Variants in ARHGAP20 observed in about 807,000 individuals in gnomAD.
ARHGAP20 encodes the protein rho GTPase-activating protein 20.
In ARHGAP20, 34 loss-of-function variants were observed where a neutral mutation model predicts 73.7. That is an observed-to-expected ratio of 0.46 (90% CI 0.35 to 0.61). The LOEUF is 0.61. Ranked by LOEUF, ARHGAP20 falls within the 20% of genes least tolerant of loss-of-function variation. ARHGAP20 has a pLI of 0.00. For synonymous variants in ARHGAP20, 523 were observed against 518.2 expected, an observed-to-expected ratio of 1.01 and a Z score of -0.13; for missense variants, 1,314 against 1,420.9, an observed-to-expected ratio of 0.92 and a Z score of 1.21.
chr11:110,701,505 G>T (rs1000873180), intron 1 of ARHGAP20, among the ~76,000 whole-genome samples: 1 of 150,710 alleles, frequency 6.6e-6, no homozygotes, highest in African/African-American at 2.4e-5. Flanking sequence ...TGAGTAGGTT[G>T]CGAAAATTTT....
intron 2 of ARHGAP20, among the ~76,000 whole-genome samples, chr11:110,642,243 T>C (rs1294721436): frequency 6.6e-6 from 1 of 152,090 alleles, no homozygotes; most frequent in Non-Finnish European, 1.5e-5. Flanking sequence ...TGAAGAGAGA[T>C]AGTTTGACGT....
At chr11:110,684,780 T>C (rs922861156) in intron 2 of ARHGAP20, among the ~76,000 whole-genome samples, 1 of 152,116 alleles carries the variant, frequency 6.6e-6, no homozygotes, top group African/African-American at 2.4e-5. Context: ...TAGCAACATG[T>C]ATGCAGCTGG....
intron 1 of ARHGAP20, among the ~76,000 whole-genome samples, chr11:110,699,553 T>C (rs953112607): frequency 1.3e-5 from 2 of 151,932 alleles, no homozygotes; most frequent in Non-Finnish European, 2.9e-5. Context: ...TTAGGTGTAG[T>C]AGTATTTGTT....
At chr11:110,648,268 A>C (rs12282034) in intron 2 of ARHGAP20, among the ~76,000 whole-genome samples, 34,198 of 137,668 alleles carry the variant, frequency 0.25, 4,425 homozygotes, top group South Asian at 0.34. Flanking sequence ...TATATATGTA[A>C]ATATATATAT....
At chr11:110,673,431 A>T (rs1009546056) in intron 2 of ARHGAP20, among the ~76,000 whole-genome samples, 2 of 152,196 alleles carry the variant, frequency 1.3e-5, no homozygotes, top group African/African-American at 4.8e-5. Context: ...TTAAAATCAG[A>T]TACGATACAA....
At chr11:110,657,626 G>A (rs1053768280) in intron 2 of ARHGAP20, among the ~76,000 whole-genome samples, 1 of 152,154 alleles carries the variant, frequency 6.6e-6, no homozygotes, top group East Asian at 1.9e-4. Context: ...GTGCACAGTG[G>A]CTTATGCCTG....
intron 1 of ARHGAP20, among the ~76,000 whole-genome samples, chr11:110,693,395 A>T (rs1830152955): frequency 1.3e-5 from 2 of 151,996 alleles, no homozygotes; most frequent in Admixed American, 6.6e-5. Flanking sequence ...AGTTTGGACT[A>T]CATAGTCACT....
Position 110,580,005 on chromosome 11 carries a change from C to A in ARHGAP20, c.2941G>T (p.Ala981Ser). ...GAAAGGTCTTCCCGTTTTCTCTGAGCCTGAAAAGTGCAATCTATTGGAGAG... is the reference window on the plus strand; with the variant it reads ...GAAAGGTCTTCCCGTTTTCTCTGAGACTGAAAAGTGCAATCTATTGGAGAG... ...TSSPIDCTFQ[A>S]QRKREDLSPD... The change falls in exon 15 of 15, where the codon GCT becomes TCT. Residue 981 changes from alanine (A) to serine (S), a missense_variant. Physicochemically the swap from Ala to Ser is moderately conservative, Grantham distance 99 (BLOSUM62 1). This residue lies in a region of ARHGAP20 where 641 missense variants were observed against 636.9 expected (regional missense o/e 1.01). Transcript: ENST00000683387. 1 of 1,614,142 alleles carries A rather than the reference C, an allele frequency of 6.2e-7. No individual in the cohort carries two copies. The highest frequency in any genetic ancestry group is 8.5e-7 in the Non-Finnish European group (1 of 1,180,028).
intron 9 of ARHGAP20, among the ~76,000 whole-genome samples, chr11:110,595,236 G>T (rs528386780): frequency 6.6e-6 from 1 of 152,260 alleles, no homozygotes; most frequent in East Asian, 1.9e-4. Context: ...ACTGGCACAA[G>T]ACAGGGATGC....
At chr11:110,591,334 C>G (rs1193095429) in intron 10 of ARHGAP20, among the ~76,000 whole-genome samples, 1 of 152,168 alleles carries the variant, frequency 6.6e-6, no homozygotes. Context: ...GACATGATAA[C>G]AACTATCCCC....
In ARHGAP20 at chr11:110,618,291, C is replaced by G. The variant is rs140218865; in HGVS notation, c.504-2697G>C. The stretch of plus-strand genomic sequence containing the variant: ...CAGCAGTTCCAGTAAAGAAGAAAAT[C>G]TGATTTCCTACCAGCTTGGCAAAAT... On this transcript the variant is annotated intron_variant, in intron 4 of 14. Coordinates refer to ENST00000683387, the MANE Select transcript of ARHGAP20 (RefSeq NM_001384657.1). Among the ~76,000 whole-genome samples, 294 of 152,288 alleles carry G rather than the reference C, an allele frequency of 1.9e-3. 1 individual carries two copies. The South Asian group carries it at 0.022, about 11-fold the overall frequency.
intron 10 of ARHGAP20, 107 bp from the exon 11 acceptor site, chr11:110,590,916 G>T (rs1294249365): frequency 1.6e-5 from 18 of 1,131,134 alleles, no homozygotes; most frequent in Non-Finnish European, 2.2e-5. Context: ...TAGGGTAAAA[G>T]CACTGAAGGA....
At position 110,579,988 on chromosome 11, in the gene ARHGAP20, T is replaced by C. The variant is rs1223717453; in HGVS notation, c.2958A>G (p.Glu986=). Residue 986 remains glutamate (E), a synonymous_variant, in exon 15 of 15, where the codon GAA becomes GAG. Coordinates refer to ENST00000683387, the MANE Select transcript of ARHGAP20 (RefSeq NM_001384657.1). ...CATTGCTAAAGTCAGGAGAAAGGTC[T>C]TCCCGTTTTCTCTGAGCCTGAAAAG... ...DCTFQAQRKR[E]DLSPDFSNAS... The C allele has an allele frequency of 2.5e-6, 4 of 1,614,096 alleles. No individual in the cohort carries two copies. Among genetic ancestry groups the C allele is most frequent in the Non-Finnish European group, 3.4e-6 (4 of 1,180,040 alleles).
chr11:110,602,372 G>C (rs978191965), intron 9 of ARHGAP20, among the ~76,000 whole-genome samples: 10 of 152,308 alleles, frequency 6.6e-5, no homozygotes, highest in African/African-American at 1.9e-4. Flanking sequence ...AGTAACAGCT[G>C]TGGTTACAGA....
At chr11:110,595,305 G>T (rs939085614) in intron 9 of ARHGAP20, among the ~76,000 whole-genome samples, 1 of 152,098 alleles carries the variant, frequency 6.6e-6, no homozygotes, top group African/African-American at 2.4e-5. Flanking sequence ...CAATCAGGCA[G>T]GAGAAGGAAA....
chr11:110,643,800 C>T (rs752053916), intron 2 of ARHGAP20, among the ~76,000 whole-genome samples: 1 of 151,922 alleles, frequency 6.6e-6, no homozygotes, highest in South Asian at 2.1e-4. Context: ...AGTTTAAATT[C>T]GGAATTTGTT....
At position 110,581,152 on chromosome 11, in the gene ARHGAP20, T is replaced by G; in HGVS notation, c.1794A>C (p.Ala598=). Residue 598 remains alanine, a synonymous_variant, in exon 15 of 15, where the codon GCA becomes GCC. Transcript: ENST00000683387. ...GTTTCTTTACCAAGTCACTGCATGGTGCATCAACATCCTCATTTAGCTCAT... is the reference window on the plus strand; with the variant it reads ...GTTTCTTTACCAAGTCACTGCATGGGGCATCAACATCCTCATTTAGCTCAT... ...LENELNEDVD[A]PCSDLVKKLG... 6.2e-7 allele frequency: 1 copy of G among 1,614,204 alleles called. No homozygotes were observed. The highest frequency in any genetic ancestry group is 8.5e-7 in the Non-Finnish European group (1 of 1,180,030).
intron 2 of ARHGAP20, among the ~76,000 whole-genome samples, chr11:110,671,112 G>A (rs776228210): frequency 3.9e-5 from 6 of 151,912 alleles, no homozygotes; most frequent in Non-Finnish European, 8.8e-5. Flanking sequence ...CACTGGTTGA[G>A]AAATCTGCAA....
chr11:110,660,873 T>C (rs1212531508), intron 2 of ARHGAP20, among the ~76,000 whole-genome samples: 2 of 152,182 alleles, frequency 1.3e-5, no homozygotes, highest in Admixed American at 1.3e-4. Flanking sequence ...ACTTGGGCCC[T>C]GTCTCTAGTT....
Sources: gnomAD v4.1 joint callset for allele counts (sites outside exome capture counted in the v4.1 genomes callset) on GRCh38, gnomAD v4.1.1 for gene constraint, gnomAD v4.1.1 regional missense constraint, MANE v1.5 for transcripts, NCBI Gene and HGNC (gene_info 2026-07-23, HGNC 2026-07-21) for gene names.